Variants in EXOC6 observed in about 807,000 individuals in gnomAD.
The protein encoded by EXOC6 is exocyst complex component 6, also known as SEC15-like 1.
EXOC6 carries 60 observed loss-of-function variants against 112.5 expected under a neutral mutation model. The ratio of observed to expected loss-of-function variants is 0.53; its 90% CI spans 0.43 to 0.66. The LOEUF is 0.66. Ranked by LOEUF, EXOC6 falls within the 30% of genes least tolerant of loss-of-function variation. The pLI is 0.00. For synonymous variants in EXOC6, 295 were observed against 308.0 expected (o/e 0.96, Z 0.44); for missense variants, 855 against 957.1 (o/e 0.89, Z 1.41).
chr10:92,901,489 A>G (rs1438500830), intron 5 of EXOC6: 1 of 151,376 alleles, frequency 6.6e-6, no homozygotes, highest in Non-Finnish European at 1.5e-5. Flanking sequence ...TATTATTGTC[A>G]TTATTCATTT....
At chr10:93,028,465 ATTAC>A (rs917700655) in intron 20 of EXOC6, among the ~76,000 whole-genome samples, 16 of 152,200 alleles carry the variant, frequency 1.1e-4, no homozygotes, top group African/African-American at 2.9e-4. Flanking sequence ...TGGATGAGGT[ATTAC>A]TTCTAACGGA....
intron 18 of EXOC6, among the ~76,000 whole-genome samples, chr10:92,985,470 A>C (rs1784810575): frequency 6.6e-6 from 1 of 152,100 alleles, no homozygotes; most frequent in African/African-American, 2.4e-5. Flanking sequence ...CTGCTGTTGA[A>C]AACATTTTAT....
chr10:92,946,759 A>G (rs1435968271), intron 13 of EXOC6, among the ~76,000 whole-genome samples: 2 of 152,196 alleles, frequency 1.3e-5, no homozygotes, highest in Admixed American at 6.5e-5. Flanking sequence ...GCCTTTGCGT[A>G]TATATTCCAG....
At chr10:92,983,663 C>G (rs147464882) in intron 18 of EXOC6, among the ~76,000 whole-genome samples, 9 of 152,088 alleles carry the variant, frequency 5.9e-5, no homozygotes, top group Admixed American at 5.2e-4. Context: ...TGCGCCACCA[C>G]GCCCTACTAA....
intron 1 of EXOC6, among the ~76,000 whole-genome samples, chr10:92,882,602 A>T (rs2133773212): frequency 6.6e-6 from 1 of 152,158 alleles, no homozygotes; most frequent in East Asian, 1.9e-4. Context: ...TGTTTAAAAG[A>T]AAATAATTCC....
intron 4 of EXOC6, among the ~76,000 whole-genome samples, chr10:92,896,278 A>G (rs1437711620): frequency 2.4e-5 from 3 of 127,090 alleles, no homozygotes; most frequent in South Asian, 2.7e-4. Context: ...GCTCATTACA[A>G]CCTCCACCTT....
chr10:92,875,179 GA>G (rs1848629446), intron 1 of EXOC6, among the ~76,000 whole-genome samples: 2 of 152,140 alleles, frequency 1.3e-5, no homozygotes, highest in Non-Finnish European at 2.9e-5. Flanking sequence ...AGTAACAACA[GA>G]TATCTTTCAT....
At chr10:92,900,951 A>C (rs1474952091) in intron 5 of EXOC6, 1 of 151,940 alleles carries the variant, frequency 6.6e-6, no homozygotes, top group African/African-American at 2.4e-5. Context: ...TGTCCCTTTT[A>C]ATCTAGAACA....
At chr10:92,945,822 T>C (rs1852960584) in intron 13 of EXOC6, among the ~76,000 whole-genome samples, 1 of 152,202 alleles carries the variant, frequency 6.6e-6, no homozygotes, top group Non-Finnish European at 1.5e-5. Flanking sequence ...GTGAGCCACC[T>C]CATTTAGCCC....
intron 17 of EXOC6, among the ~76,000 whole-genome samples, chr10:92,967,665 A>T (rs1842123923): frequency 6.6e-6 from 1 of 152,134 alleles, no homozygotes; most frequent in Non-Finnish European, 1.5e-5. Flanking sequence ...TCCTGCCTAT[A>T]TTAGAGGCAT....
At chr10:92,865,088 ATAGT>A in intron 1 of EXOC6, among the ~76,000 whole-genome samples, 1 of 152,336 alleles carries the variant, frequency 6.6e-6, no homozygotes, top group East Asian at 1.9e-4. Flanking sequence ...AAAAATATTG[ATAGT>A]TATAATCCAC....
chr10:92,844,151 GAA>G (rs60056645), upstream of EXOC6, among the ~76,000 whole-genome samples: 2 of 132,152 alleles, frequency 1.5e-5, no homozygotes, highest in Non-Finnish European at 1.6e-5. Flanking sequence ...CTGTGTCTCA[GAA>G]AAAAAAAAAA....
At chr10:92,856,277 C>T (rs1405554519) in intron 1 of EXOC6, among the ~76,000 whole-genome samples, 8 of 151,852 alleles carry the variant, frequency 5.3e-5, no homozygotes, top group Admixed American at 2.6e-4. Flanking sequence ...CCCAACCTTA[C>T]GATGGAAGTT....
At chr10:93,018,943 T>TA (rs561151103) in intron 20 of EXOC6, among the ~76,000 whole-genome samples, 182 of 152,028 alleles carry the variant, frequency 1.2e-3, no homozygotes, top group African/African-American at 4.1e-3. Context: ...CTGGACTAGG[T>TA]AAAAAAACTT....
chr10:92,952,793 G>A (rs557773536), intron 15 of EXOC6, among the ~76,000 whole-genome samples: 15 of 152,158 alleles, frequency 9.9e-5, no homozygotes, highest in Middle Eastern at 6.8e-3. Context: ...TCTTTTTTAT[G>A]GCTGTGTAGT....
At chr10:92,991,567 ATTGT>A (rs1441710438) in intron 18 of EXOC6, among the ~76,000 whole-genome samples, 1 of 152,200 alleles carries the variant, frequency 6.6e-6, no homozygotes, top group Non-Finnish European at 1.5e-5. Flanking sequence ...TACTCAAAAG[ATTGT>A]TTAACAAACA....
At chr10:92,981,967 T>G (rs898311976) in intron 18 of EXOC6, among the ~76,000 whole-genome samples, 1 of 152,024 alleles carries the variant, frequency 6.6e-6, no homozygotes, top group African/African-American at 2.4e-5. Flanking sequence ...AATACAAACA[T>G]TAGCCGGGCA....
At chr10:93,027,162 G>A (rs1256690011) in intron 20 of EXOC6, among the ~76,000 whole-genome samples, 1 of 152,222 alleles carries the variant, frequency 6.6e-6, no homozygotes, top group Non-Finnish European at 1.5e-5. Context: ...ATTCCCTTGA[G>A]CCAAAGTATA....
intron 20 of EXOC6, among the ~76,000 whole-genome samples, chr10:93,017,807 C>G (rs1031113669): frequency 6.6e-6 from 1 of 151,452 alleles, no homozygotes; most frequent in African/African-American, 2.4e-5. Context: ...GTCAGAAGGT[C>G]GAGACCGTCC....
Sources: allele counts gnomAD v4.1 joint callset (sites outside exome capture counted in the v4.1 genomes callset), GRCh38; gene constraint gnomAD v4.1.1; transcripts MANE v1.5; gene names NCBI Gene and HGNC (gene_info 2026-07-23, HGNC 2026-07-21).